The following UGT1A10 variants were observed in gnomAD, a reference collection of about 807,000 sequenced individuals.
The protein encoded by UGT1A10 is UDP glucuronosyltransferase family 1 member A10, also known as UDP-glucuronosyltransferase 1A10.
Under a neutral mutation model 45.8 loss-of-function variants are expected in UGT1A10, and 49 were observed. That is an observed-to-expected ratio of 1.07 (90% CI 0.85 to 1.36). UGT1A10 has a LOEUF of 1.36. UGT1A10 is among the 40% of genes most tolerant of loss of function. The pLI, the probability that UGT1A10 is intolerant of heterozygous loss-of-function variation, is 0.00. For missense variants in UGT1A10, 745 were observed against 668.6 expected (o/e 1.11, Z -1.26); for synonymous variants, 284 against 249.7 (o/e 1.14, Z -1.29).
At chr2:233,731,004 T>C (rs2078096458) in intron 1 of UGT1A10, among the ~76,000 whole-genome samples, 1 of 152,244 alleles carries the variant, frequency 6.6e-6, no homozygotes, top group South Asian at 2.1e-4. Flanking sequence ...CTGTGCCATG[T>C]ACATCGTGAG....
chr2:233,768,295 C>A lies in UGT1A10; in HGVS notation c.1151C>A (p.Pro384His). 1.9e-6 allele frequency: 3 copies of A among 1,614,158 alleles called. No individual in the cohort carries two copies. Among genetic ancestry groups the A allele is most frequent in the South Asian group, 2.2e-5 (2 of 91,082 alleles). ...GVYESICNGV[P>H]MVMMPLFGDQ... The stretch of plus-strand genomic sequence containing the variant: ...TATGAAAGCATATGCAATGGCGTTC[C>A]CATGGTGATGATGCCCTTGTTTGGT... Residue 384 changes from proline (P) to histidine (H), a missense_variant, in exon 4 of 5, where the codon CCC (proline) becomes CAC (histidine). Coordinates refer to ENST00000344644, the MANE Select transcript of UGT1A10 (RefSeq NM_019075.4).
intron 1 of UGT1A10, among the ~76,000 whole-genome samples, chr2:233,685,982 G>T (rs1231017372): frequency 2.0e-5 from 3 of 152,110 alleles, no homozygotes; most frequent in Non-Finnish European, 4.4e-5. Flanking sequence ...TTAAAGTCCA[G>T]AAATAATCCT....
At chr2:233,720,293 G>T (rs1340833186) in intron 1 of UGT1A10, among the ~76,000 whole-genome samples, 1 of 152,182 alleles carries the variant, frequency 6.6e-6, no homozygotes, top group Non-Finnish European at 1.5e-5. Flanking sequence ...CTGACCAGGA[G>T]TTGGGGGTCT....
In UGT1A10 at chr2:233,698,539, C is replaced by T. The variant is rs1245091014; in HGVS notation, c.855+61162C>T. On this transcript the variant is annotated intron_variant, in intron 1 of 4. Coordinates refer to ENST00000344644, the MANE Select transcript of UGT1A10 (RefSeq NM_019075.4). ...GGCAATACATAAAGTAAACAGAACA[C>T]GAGTGGCCAACAAAACTTTAAGAAC... Among the ~76,000 whole-genome samples the T allele has an allele frequency of 5.3e-5, 8 of 152,144 alleles. No homozygotes were observed. The East Asian group carries it at 9.6e-4, about 18-fold the overall frequency.
Position 233,724,752 on chromosome 2 carries a change from C to T in UGT1A10, c.856-42282C>T, listed in dbSNP as rs545669110. On this transcript the variant is annotated intron_variant, in intron 1 of 4. Coordinates refer to ENST00000344644, the MANE Select transcript of UGT1A10 (RefSeq NM_019075.4). The stretch of plus-strand genomic sequence containing the variant: ...GCAGAGGGGCTCCTCACATCCCAGA[C>T]GATGGGCGGCCAGGCAGAGACACTC... 4.9e-4 allele frequency among the ~76,000 whole-genome samples: 69 copies of T among 142,122 alleles called. 9 individuals carry two copies. In the East Asian group the frequency reaches 0.011, roughly 22 times the overall value. The allele number at this position is 142,122 out of a possible 152,430, so 93.2% of individuals were successfully genotyped here. A position where few individuals can be genotyped will look rare whatever the true frequency, so the allele number is the denominator to read the frequency against.
intron 1 of UGT1A10, chr2:233,740,667 G>T (rs567869462): frequency 6.6e-6 from 1 of 151,914 alleles, no homozygotes; most frequent in East Asian, 1.9e-4. Flanking sequence ...AGAAGGTACA[G>T]GTGTTTCCAT....
chr2:233,690,236 A>G (rs2074981656), intron 1 of UGT1A10, among the ~76,000 whole-genome samples: 1 of 152,206 alleles, frequency 6.6e-6, no homozygotes, highest in African/African-American at 2.4e-5. Context: ...TAGATTCAGC[A>G]AATTTCTTAT....
At position 233,764,416 on chromosome 2, in the gene UGT1A10, C is replaced by A. The variant is rs559795881; in HGVS notation, c.856-2618C>A. ...GACAACTTCTCTGCAGTTTGCCCTGCGTGAATCTCCAGATGAACTTTTGTG... is the reference window on the plus strand; with the variant it reads ...GACAACTTCTCTGCAGTTTGCCCTGAGTGAATCTCCAGATGAACTTTTGTG... On this transcript the variant is annotated intron_variant, in intron 1 of 4. Transcript: ENST00000344644. Among the ~76,000 whole-genome samples, 6 of 152,272 alleles carry A rather than the reference C, an allele frequency of 3.9e-5. No individual in the cohort carries two copies. In the South Asian group the frequency reaches 8.3e-4, roughly 21 times the overall value.
chr2:233,731,634 A>G (rs547560003), intron 1 of UGT1A10, among the ~76,000 whole-genome samples: 6 of 152,300 alleles, frequency 3.9e-5, no homozygotes, highest in African/African-American at 9.6e-5. Flanking sequence ...TTATGGCTGC[A>G]TAGTATTCCA....
chr2:233,771,969 G>T (rs1040138861), intron 4 of UGT1A10, among the ~76,000 whole-genome samples: 1 of 152,096 alleles, frequency 6.6e-6, no homozygotes, highest in Non-Finnish European at 1.5e-5. Context: ...TTAAAAATTG[G>T]CCAGACATAG....
At chr2:233,703,642 A>C (rs548385935) in intron 1 of UGT1A10, among the ~76,000 whole-genome samples, 1 of 152,128 alleles carries the variant, frequency 6.6e-6, no homozygotes, top group African/African-American at 2.4e-5. Context: ...TAGTATAACC[A>C]ATCTGCATTT....
intron 1 of UGT1A10, among the ~76,000 whole-genome samples, chr2:233,644,856 T>C (rs2073557141): frequency 6.6e-6 from 1 of 152,204 alleles, no homozygotes; most frequent in Non-Finnish European, 1.5e-5. Flanking sequence ...TTTTGGTTCT[T>C]ATGAAGGTGG....
rs1298100322 is a variant in UGT1A10, at chr2:233,656,043, G to A, written c.855+18666G>A. Among the ~76,000 whole-genome samples, 6 of 152,110 alleles carry A rather than the reference G, an allele frequency of 3.9e-5. No homozygotes were observed. In the East Asian group the frequency reaches 7.7e-4, roughly 20 times the overall value. On this transcript the variant is annotated intron_variant, in intron 1 of 4. Coordinates refer to ENST00000344644, the MANE Select transcript of UGT1A10 (RefSeq NM_019075.4). ...GACCTCTGGCAAATACCAGAGACAG[G>A]CCCTTGAAAGGAGAAGGGATGGGGT...
intron 1 of UGT1A10, chr2:233,743,495 A>G (rs1016583348): frequency 7.3e-7 from 1 of 1,367,212 alleles, no homozygotes; most frequent in Non-Finnish European, 9.8e-7. Flanking sequence ...AAGGCAGAGA[A>G]AAGGGGTGCA....
At chr2:233,672,564 C>T (rs2074231048) in intron 1 of UGT1A10, 2 of 1,613,846 alleles carry the variant, frequency 1.2e-6, no homozygotes, top group Non-Finnish European at 1.7e-6. Flanking sequence ...TACGGAACCA[C>T]ATCATGCACT....
At chr2:233,677,559 AC>A (rs1201538930) in intron 1 of UGT1A10, among the ~76,000 whole-genome samples, 2 of 152,220 alleles carry the variant, frequency 1.3e-5, no homozygotes, top group African/African-American at 2.4e-5. Context: ...TTATTAAAAA[AC>A]GTAACATATG....
intron 1 of UGT1A10, among the ~76,000 whole-genome samples, chr2:233,664,616 T>A (rs1387521327): frequency 6.6e-6 from 1 of 151,762 alleles, no homozygotes; most frequent in Non-Finnish European, 1.5e-5. Flanking sequence ...CAAGAGAGAG[T>A]TGGTGGGGGA....
intron 1 of UGT1A10, among the ~76,000 whole-genome samples, chr2:233,680,267 C>T (rs561229391): frequency 6.6e-6 from 1 of 152,068 alleles, no homozygotes; most frequent in Non-Finnish European, 1.5e-5. Flanking sequence ...ATGAAAAATA[C>T]AGTAGAACCA....
At chr2:233,747,707 A>G (rs1693758037) in intron 1 of UGT1A10, 3 of 1,612,682 alleles carry the variant, frequency 1.9e-6, no homozygotes, top group African/African-American at 1.3e-5. Flanking sequence ...CTAAGTACCT[A>G]TCAATTCCTG....
Sources: gnomAD v4.1 joint callset for allele counts (sites outside exome capture counted in the v4.1 genomes callset) on GRCh38, gnomAD v4.1.1 for gene constraint, MANE v1.5 for transcripts, NCBI Gene and HGNC (gene_info 2026-07-23, HGNC 2026-07-21) for gene names.